The following HECW1 variants were observed in gnomAD, a reference collection of about 807,000 sequenced individuals.
HECW1 encodes the protein E3 ubiquitin-protein ligase HECW1.
A neutral mutation model predicts 182.3 loss-of-function variants in HECW1; 61 were observed. The ratio of observed to expected loss-of-function variants is 0.33; its 90% confidence interval spans 0.27 to 0.41. The LOEUF is 0.41. HECW1 is among the 10% of genes least tolerant of loss of function. HECW1 has a pLI of 1.00. For synonymous variants in HECW1, 859 were observed against 832.6 expected (o/e 1.03, Z -0.55); for missense variants, 1,739 against 2,108.9 (o/e 0.82, Z 3.44).
At chr7:43,456,539 T>C (rs2304331) in intron 13 of HECW1, 92 bp downstream of exon 13, 233,238 of 1,221,880 alleles carry the variant, frequency 0.19, 22,495 homozygotes, top group South Asian at 0.26. Context: ...CTGCTCAGAC[T>C]GTATGAGGAG....
At chr7:43,286,928 A>G (rs1175503010) in intron 3 of HECW1, among the ~76,000 whole-genome samples, 1 of 152,186 alleles carries the variant, frequency 6.6e-6, no homozygotes, top group Non-Finnish European at 1.5e-5. Context: ...TTTGCATACA[A>G]TGATAGCAAT....
intron 2 of HECW1, among the ~76,000 whole-genome samples, chr7:43,150,482 G>C (rs1789179113): frequency 6.6e-6 from 1 of 152,146 alleles, no homozygotes; most frequent in Non-Finnish European, 1.5e-5. Flanking sequence ...GGGTTCAAGT[G>C]ATTCTTATGC....
At chr7:43,222,728 T>G (rs1797091373) in intron 2 of HECW1, among the ~76,000 whole-genome samples, 1 of 152,158 alleles carries the variant, frequency 6.6e-6, no homozygotes, top group Non-Finnish European at 1.5e-5. Context: ...TATCTTCCCA[T>G]GGTCACAGGT....
At chr7:43,502,030 A>G (rs2079383442) in intron 21 of HECW1, among the ~76,000 whole-genome samples, 1 of 152,166 alleles carries the variant, frequency 6.6e-6, no homozygotes, top group South Asian at 2.1e-4. Flanking sequence ...AAAGCCTCAA[A>G]TATTTACTCT....
intron 2 of HECW1, among the ~76,000 whole-genome samples, chr7:43,201,270 TC>T (rs1388988580): frequency 1.3e-5 from 2 of 152,138 alleles, no homozygotes; most frequent in African/African-American, 4.8e-5. Context: ...ATCACAGAGC[TC>T]CAGAGAAGGG....
chr7:43,526,682 C>T (rs989221794), intron 24 of HECW1, among the ~76,000 whole-genome samples: 5 of 152,210 alleles, frequency 3.3e-5, no homozygotes, highest in Non-Finnish European at 5.9e-5. Context: ...TAAACCTTCA[C>T]CTTCCTGTAT....
At position 43,442,566 on chromosome 7, in the gene HECW1, C is replaced by G. The variant is rs568840109; in HGVS notation, c.982C>G (p.Pro328Ala). The change falls in exon 10 of 30, where the codon CCA (proline) becomes GCA (alanine). Residue 328 changes from proline (P) to alanine (A), a missense_variant. Around this residue, in one of 5 missense-constraint regions of HECW1, gnomAD observed 66 missense variants for 113.8 expected, o/e 0.58. Transcript: ENST00000395891. ...CAGCTACACACTTGGCCGCAGGCTTCCAACAGATCATGTGAGTGGACAGCT... is the reference window on the plus strand; with the variant it reads ...CAGCTACACACTTGGCCGCAGGCTTGCAACAGATCATGTGAGTGGACAGCT... ...VVSYTLGRRL[P>A]TDHVSGQLQF... The G allele has an allele frequency of 6.2e-7, 1 of 1,613,982 alleles. No individual in the cohort carries two copies. Among genetic ancestry groups the G allele is most frequent in the South Asian group, 1.1e-5 (1 of 91,038 alleles).
At chr7:43,515,834 G>GA (rs1290034224) in intron 24 of HECW1, among the ~76,000 whole-genome samples, 2 of 152,108 alleles carry the variant, frequency 1.3e-5, no homozygotes, top group Non-Finnish European at 2.9e-5. Context: ...TTATATATAA[G>GA]AAACTACCAA....
chr7:43,554,566 T>A (rs1417091678), intron 28 of HECW1, 26 bp from the exon 29 acceptor site: 1 of 1,597,058 alleles, frequency 6.3e-7, no homozygotes, highest in Non-Finnish European at 8.6e-7. Context: ...ACATCCTGTC[T>A]TCCTCCCTCC....
chr7:43,457,703 A>G (rs960767780), intron 13 of HECW1, among the ~76,000 whole-genome samples: 1 of 151,464 alleles, frequency 6.6e-6, no homozygotes, highest in Admixed American at 6.6e-5. Flanking sequence ...TGAACCCGGG[A>G]GGCAGAGGTT....
At chr7:43,532,129 A>G (rs1202302123) in intron 24 of HECW1, among the ~76,000 whole-genome samples, 1 of 152,138 alleles carries the variant, frequency 6.6e-6, no homozygotes, top group Non-Finnish European at 1.5e-5. Context: ...TTCCCATCTC[A>G]GTAAATGGCA....
chr7:43,445,326 C>T lies in HECW1; in HGVS notation c.2154C>T (p.Arg718=). The T allele has an allele frequency of 1.9e-6, 3 of 1,613,852 alleles. No individual in the cohort carries two copies. The highest frequency in any genetic ancestry group is 1.3e-5 in the African/African-American group (1 of 75,070). The change falls in exon 11 of 30, where the codon CGC becomes CGT. Residue 718 remains arginine (R), a synonymous_variant. Transcript: ENST00000395891. ...GCAACAGGTTCGCCAGCCACACGCG[C>T]TTCTCCTCCGTGGACAGCGCCAAGA... ...YNGNRFASHT[R]FSSVDSAKIS...
chr7:43,494,686 G>A (rs917955943), intron 19 of HECW1, among the ~76,000 whole-genome samples: 4 of 151,958 alleles, frequency 2.6e-5, no homozygotes, highest in Non-Finnish European at 4.4e-5. Flanking sequence ...GCTAATTTTT[G>A]TGCATTTATT....
intron 26 of HECW1, among the ~76,000 whole-genome samples, chr7:43,546,219 C>CTTTTTT (rs34255651): frequency 2.0e-4 from 18 of 91,886 alleles, no homozygotes; most frequent in Admixed American, 2.7e-4. Flanking sequence ...TACCCCCAAC[C>CTTTTTT]TTTTTTTTTT....
intron 10 of HECW1, among the ~76,000 whole-genome samples, chr7:43,443,088 A>G (rs1234261364): frequency 1.3e-5 from 2 of 152,276 alleles, no homozygotes; most frequent in Admixed American, 1.3e-4. Context: ...GAAAAACAAG[A>G]AAAGTATAAA....
intron 13 of HECW1, among the ~76,000 whole-genome samples, chr7:43,460,082 C>T (rs183597971): frequency 3.0e-4 from 45 of 152,150 alleles, no homozygotes; most frequent in African/African-American, 1.0e-3. Flanking sequence ...TTGCTTTTGT[C>T]ACTGTTTTTT....
At chr7:43,167,604 G>T (rs901602150) in intron 2 of HECW1, among the ~76,000 whole-genome samples, 3 of 152,172 alleles carry the variant, frequency 2.0e-5, no homozygotes, top group Non-Finnish European at 4.4e-5. Flanking sequence ...GCTGGGGCAG[G>T]TTTCAAGAAA....
chr7:43,440,091 G>A (rs1371879727), intron 9 of HECW1: 1 of 120,440 alleles, frequency 8.3e-6, no homozygotes, highest in Non-Finnish European at 2.0e-5. Context: ...CCGTGGTTAG[G>A]AGCAGAGTGT....
intron 14 of HECW1, among the ~76,000 whole-genome samples, chr7:43,465,080 G>C (rs775728399): frequency 6.6e-6 from 1 of 152,102 alleles, no homozygotes; most frequent in Non-Finnish European, 1.5e-5. Flanking sequence ...AGGATTACAG[G>C]CACGAGACAT....
Sources: allele counts gnomAD v4.1 joint callset (sites outside exome capture counted in the v4.1 genomes callset), GRCh38; gene constraint gnomAD v4.1.1; regional missense constraint gnomAD v4.1.1; transcripts MANE v1.5; gene names NCBI Gene and HGNC (gene_info 2026-07-23, HGNC 2026-07-21).